The following KIAA1549 variants were observed in gnomAD, a reference collection of about 807,000 sequenced individuals.
KIAA1549 encodes UPF0606 protein KIAA1549.
In KIAA1549, 70 loss-of-function variants were observed where a neutral mutation model predicts 156.4. That is an observed-to-expected ratio of 0.45 (90% CI 0.37 to 0.55). KIAA1549 has a LOEUF of 0.55. Ranked by LOEUF, KIAA1549 falls within the 20% of genes least tolerant of loss-of-function variation. The pLI is 0.00. For synonymous variants in KIAA1549, 1,103 were observed against 1,066.4 expected (o/e 1.03, Z -0.67); for missense variants, 2,428 against 2,540.9 (o/e 0.96, Z 0.96).
At chr7:138,850,990 G>A (rs1810217138) in intron 17 of KIAA1549, among the ~76,000 whole-genome samples, 1 of 152,110 alleles carries the variant, frequency 6.6e-6, no homozygotes. Flanking sequence ...TTTTACAGTT[G>A]AGTCCAGGGT....
chr7:138,947,625 ATAAC>A (rs1444634968), intron 1 of KIAA1549, among the ~76,000 whole-genome samples: 3 of 152,250 alleles, frequency 2.0e-5, no homozygotes, highest in Non-Finnish European at 4.4e-5. Flanking sequence ...AAAACGTGCA[ATAAC>A]TAACCTCATA....
chr7:138,923,135 ACT>A (rs1207253221), intron 1 of KIAA1549, among the ~76,000 whole-genome samples: 1 of 152,142 alleles, frequency 6.6e-6, no homozygotes, highest in Non-Finnish European at 1.5e-5. Flanking sequence ...GCTGAGAGAA[ACT>A]CTCTGACATC....
intron 16 of KIAA1549, among the ~76,000 whole-genome samples, chr7:138,855,282 A>C (rs1204113423): frequency 6.6e-6 from 1 of 152,128 alleles, no homozygotes; most frequent in Non-Finnish European, 1.5e-5. Flanking sequence ...TCCTCCTGTC[A>C]CCCTGAGATG....
At chr7:138,957,476 TTCTTCC>T in intron 1 of KIAA1549, among the ~76,000 whole-genome samples, 1 of 139,570 alleles carries the variant, frequency 7.2e-6, no homozygotes, top group South Asian at 2.7e-4. Context: ...CTTCTTCTTC[TTCTTCC>T]TCTTCTTCTT....
At chr7:138,971,423 C>T (rs1228970715) in intron 1 of KIAA1549, among the ~76,000 whole-genome samples, 2 of 152,124 alleles carry the variant, frequency 1.3e-5, no homozygotes, top group African/African-American at 2.4e-5. Context: ...GCCCTAGATC[C>T]CATCCCTTCC....
In KIAA1549 at chr7:138,879,576, G is replaced by A; in HGVS notation, c.4307C>T (p.Ala1436Val). ...TCTGTGGGACCTGCCATCGTTGACG[G>A]CTCCCGGCGTCTTATCTCCTGCGTC... ...ERDAGDKTPGAVNDGRSHRAP... is the reference protein window; with the variant it reads ...ERDAGDKTPGVVNDGRSHRAP... The change falls in exon 12 of 20, where the codon GCC becomes GTC. Residue 1436 changes from alanine to valine, a missense_variant. Ala to Val is a moderately conservative substitution (Grantham distance 64, BLOSUM62 0). Around this residue, in one of 5 missense-constraint regions of KIAA1549, gnomAD observed 404 missense variants for 417.0 expected, o/e 0.97. Coordinates refer to ENST00000422774, the MANE Select transcript of KIAA1549 (RefSeq NM_001164665.2). 3 of 1,568,624 alleles carry A rather than the reference G, an allele frequency of 1.9e-6. No homozygotes were observed. Among genetic ancestry groups the A allele is most frequent in the Non-Finnish European group, 2.6e-6 (3 of 1,156,496 alleles).
rs151278598 is a variant in KIAA1549 at position 138,882,143 on chromosome 7, C to T, written c.4033-559G>A. Among the ~76,000 whole-genome samples the T allele has an allele frequency of 1.5e-3, 224 of 152,336 alleles. 2 individuals are homozygous for T. The highest frequency in any genetic ancestry group is 5.2e-3 in the African/African-American group (216 of 41,578). On this transcript the variant is annotated intron_variant, in intron 10 of 19. Transcript: ENST00000422774. ...CAGAAAACCACTAAACATTTCTAAA[C>T]AGGCAGATTTCTAAAATACAAGCAC...
intron 5 of KIAA1549, among the ~76,000 whole-genome samples, chr7:138,907,507 A>C (rs1017537234): frequency 6.6e-6 from 1 of 152,216 alleles, no homozygotes; most frequent in African/African-American, 2.4e-5. Context: ...AACATACACA[A>C]GCATGGGCTG....
chr7:138,966,204 TTAAAA>T (rs1402300219), intron 1 of KIAA1549, among the ~76,000 whole-genome samples: 1 of 152,120 alleles, frequency 6.6e-6, no homozygotes, highest in Non-Finnish European at 1.5e-5. Flanking sequence ...AAAGATGTAG[TTAAAA>T]TAAGGTCATA....
At chr7:138,963,834 C>T (rs1214765733) in intron 1 of KIAA1549, among the ~76,000 whole-genome samples, 1 of 151,984 alleles carries the variant, frequency 6.6e-6, no homozygotes, top group Non-Finnish European at 1.5e-5. Context: ...AAACAAACAA[C>T]AGAAAAACAG....
At chr7:138,957,926 G>T (rs1282848671) in intron 1 of KIAA1549, among the ~76,000 whole-genome samples, 1 of 151,960 alleles carries the variant, frequency 6.6e-6, no homozygotes, top group Non-Finnish European at 1.5e-5. Flanking sequence ...TTTCGCTATG[G>T]GTGCATACTC....
At chr7:138,953,510 CA>C (rs1813557651) in intron 1 of KIAA1549, among the ~76,000 whole-genome samples, 1 of 151,598 alleles carries the variant, frequency 6.6e-6, no homozygotes, top group Non-Finnish European at 1.5e-5. Context: ...AAAACACTGC[CA>C]GAAAAATAGT....
At chr7:138,978,936 C>T (rs1336411626) in intron 1 of KIAA1549, among the ~76,000 whole-genome samples, 1 of 152,212 alleles carries the variant, frequency 6.6e-6, no homozygotes, top group Admixed American at 6.5e-5. Context: ...CCACCAAGAT[C>T]GTTCCTCACA....
chr7:138,896,995 C>G (rs1182957040), intron 9 of KIAA1549, among the ~76,000 whole-genome samples: 1 of 152,140 alleles, frequency 6.6e-6, no homozygotes, highest in Non-Finnish European at 1.5e-5. Flanking sequence ...TGGGCTATCC[C>G]TGGTGTTGGC....
chr7:138,952,272 C>A (rs1180354787), intron 1 of KIAA1549, among the ~76,000 whole-genome samples: 3 of 152,146 alleles, frequency 2.0e-5, no homozygotes, highest in African/African-American at 7.2e-5. Flanking sequence ...AAAACAATGC[C>A]AGTTGTTCGT....
At chr7:138,861,690 T>TAAA (rs1195358738) in intron 15 of KIAA1549, among the ~76,000 whole-genome samples, 2 of 90,266 alleles carry the variant, frequency 2.2e-5, no homozygotes, top group African/African-American at 4.1e-5. Context: ...CCCCCATCTC[T>TAAA]AAAAAAAAAA....
intron 19 of KIAA1549, among the ~76,000 whole-genome samples, chr7:138,839,839 G>A (rs1171045137): frequency 7.2e-6 from 1 of 138,516 alleles, no homozygotes; most frequent in Non-Finnish European, 1.5e-5. Flanking sequence ...CCAGGCTGGA[G>A]TGCAGTGGCA....
In KIAA1549 at chr7:138,831,472, T is replaced by C; in HGVS notation, c.*6434A>G. On this transcript the variant is annotated 3_prime_UTR_variant, in exon 20 of 20. Coordinates refer to ENST00000422774, the MANE Select transcript of KIAA1549 (RefSeq NM_001164665.2). ...TAAACATGGAAACCAAATACTTGCATAAATTATTTCAAAAACTCTACAGCA... is the reference window on the plus strand; with the variant it reads ...TAAACATGGAAACCAAATACTTGCACAAATTATTTCAAAAACTCTACAGCA... 1 of 211,762 alleles carries C rather than the reference T, an allele frequency of 4.7e-6. No individual in the cohort carries two copies. Among genetic ancestry groups the C allele is most frequent in the Non-Finnish European group, 9.6e-6 (1 of 104,528 alleles). 13.1% of individuals were successfully genotyped at this position (211,762 alleles called of 1,614,324 possible). A position where few individuals can be genotyped will look rare whatever the true frequency, so the allele number is the denominator to read the frequency against.
At chr7:138,978,473 C>T (rs1305629519) in intron 1 of KIAA1549, among the ~76,000 whole-genome samples, 1 of 147,604 alleles carries the variant, frequency 6.8e-6, no homozygotes, top group African/African-American at 2.5e-5. Context: ...TAAGACCAAA[C>T]TTGTAAATTT....
Sources: allele counts gnomAD v4.1 joint callset (sites outside exome capture counted in the v4.1 genomes callset), GRCh38; gene constraint gnomAD v4.1.1; regional missense constraint gnomAD v4.1.1; transcripts MANE v1.5; gene names NCBI Gene and HGNC (gene_info 2026-07-23, HGNC 2026-07-21).